Variants in CFAP299 observed in about 807,000 individuals in gnomAD.
CFAP299 encodes cilia- and flagella-associated protein 299.
In CFAP299, 21 loss-of-function variants were observed where a neutral mutation model predicts 27.0. The ratio of observed to expected loss-of-function variants is 0.78; its 90% CI spans 0.55 to 1.12. The LOEUF is 1.12. CFAP299 is among the 50% of genes most tolerant of loss of function. The pLI is 0.00. For missense variants in CFAP299, 310 were observed against 276.6 expected, an observed-to-expected ratio of 1.12 and a Z score of -0.86; for synonymous variants, 104 against 98.1, an observed-to-expected ratio of 1.06 and a Z score of -0.36.
chr4:80,472,813 G>C (rs944965656), intron 2 of CFAP299, among the ~76,000 whole-genome samples: 1 of 152,112 alleles, frequency 6.6e-6, no homozygotes, highest in African/African-American at 2.4e-5. Context: ...CACGGGACGG[G>C]GGTAATTCAG....
chr4:80,884,512 A>G (rs918113721), intron 4 of CFAP299, among the ~76,000 whole-genome samples: 2 of 152,164 alleles, frequency 1.3e-5, no homozygotes, highest in Admixed American at 1.3e-4. Context: ...CAGCAAAAGC[A>G]GTTCCAAAAG....
At chr4:80,734,574 T>C (rs527370137) in intron 3 of CFAP299, among the ~76,000 whole-genome samples, 10 of 152,296 alleles carry the variant, frequency 6.6e-5, no homozygotes, top group Non-Finnish European at 1.5e-4. Flanking sequence ...CCCCAGTGTT[T>C]TATGTAGTAG....
At chr4:80,783,961 T>A (rs77677314) in intron 3 of CFAP299, among the ~76,000 whole-genome samples, 1 of 152,114 alleles carries the variant, frequency 6.6e-6, no homozygotes, top group Non-Finnish European at 1.5e-5. Flanking sequence ...CAACTTTTTT[T>A]ATGATTCTAC....
chr4:80,419,068 C>T (rs1035984292), intron 2 of CFAP299, among the ~76,000 whole-genome samples: 2 of 152,158 alleles, frequency 1.3e-5, no homozygotes, highest in African/African-American at 4.8e-5. Context: ...TTCTTGCCTC[C>T]TCAGAAGAAA....
intron 2 of CFAP299, among the ~76,000 whole-genome samples, chr4:80,534,273 G>A (rs6850160): frequency 0.25 from 37,128 of 147,944 alleles, 6,616 homozygotes; most frequent in African/African-American, 0.5. Context: ...TTCCTTAAAA[G>A]CGTAAGTTAT....
At chr4:80,921,686 G>A (rs1190743314) in intron 4 of CFAP299, among the ~76,000 whole-genome samples, 1 of 151,976 alleles carries the variant, frequency 6.6e-6, no homozygotes, top group Non-Finnish European at 1.5e-5. Flanking sequence ...AGATAATCTG[G>A]TTAAATCTGT....
chr4:80,783,358 G>T (rs749223624), intron 3 of CFAP299, among the ~76,000 whole-genome samples: 40 of 152,030 alleles, frequency 2.6e-4, no homozygotes, highest in Non-Finnish European at 4.9e-4. Context: ...GGGACCATTG[G>T]GGGCCATTTT....
intron 4 of CFAP299, among the ~76,000 whole-genome samples, chr4:80,884,360 T>G (rs1221578433): frequency 6.6e-6 from 1 of 152,116 alleles, no homozygotes; most frequent in African/African-American, 2.4e-5. Context: ...TAGGAATAAC[T>G]TTGGAAAAAC....
At chr4:80,437,288 T>A (rs1728136796) in intron 2 of CFAP299, among the ~76,000 whole-genome samples, 1 of 152,200 alleles carries the variant, frequency 6.6e-6, no homozygotes, top group Non-Finnish European at 1.5e-5. Context: ...GCCATTTATC[T>A]CTCTAGAACT....
At chr4:80,854,941 C>G (rs1731757437) in intron 3 of CFAP299, among the ~76,000 whole-genome samples, 1 of 150,492 alleles carries the variant, frequency 6.6e-6, no homozygotes, top group African/African-American at 2.4e-5. Flanking sequence ...AATTCTGATG[C>G]TACACTGTGG....
chr4:80,559,687 T>C (rs1734948713), intron 2 of CFAP299, among the ~76,000 whole-genome samples: 1 of 152,130 alleles, frequency 6.6e-6, no homozygotes, highest in Admixed American at 6.5e-5. Flanking sequence ...AACACTGCAA[T>C]TGTGAGGCAT....
At chr4:80,543,706 A>G (rs895539485) in intron 2 of CFAP299, among the ~76,000 whole-genome samples, 1 of 152,264 alleles carries the variant, frequency 6.6e-6, no homozygotes, top group African/African-American at 2.4e-5. Context: ...AAAGAGAAGA[A>G]TCTTATCGTT....
chr4:80,888,083 C>A (rs1468031104), intron 4 of CFAP299, among the ~76,000 whole-genome samples: 1 of 151,896 alleles, frequency 6.6e-6, no homozygotes, highest in Non-Finnish European at 1.5e-5. Context: ...AAGAGAAGAC[C>A]ATTAAGCAAC....
At chr4:80,467,298 G>C (rs1000473968) in intron 2 of CFAP299, among the ~76,000 whole-genome samples, 1 of 152,204 alleles carries the variant, frequency 6.6e-6, no homozygotes, top group African/African-American at 2.4e-5. Context: ...TATTGATGGT[G>C]ATTGAAGCAG....
chr4:80,405,863 C>T (rs1452051282), intron 2 of CFAP299, among the ~76,000 whole-genome samples: 1 of 152,034 alleles, frequency 6.6e-6, no homozygotes, highest in Non-Finnish European at 1.5e-5. Context: ...TTCAGAGTCC[C>T]TTTTCAGCTC....
At chr4:80,387,208 C>T (rs1578384090) in intron 2 of CFAP299, 4 of 1,395,666 alleles carry the variant, frequency 2.9e-6, no homozygotes, top group Non-Finnish European at 2.0e-6. Context: ...GGTGCACGCT[C>T]AGGTCGTACA....
At chr4:80,671,750 T>G (rs1741499362) in intron 3 of CFAP299, among the ~76,000 whole-genome samples, 1 of 152,240 alleles carries the variant, frequency 6.6e-6, no homozygotes, top group South Asian at 2.1e-4. Flanking sequence ...TTATACTCTT[T>G]GAAGCCACTG....
chr4:80,407,991 T>C (rs1263639686), intron 2 of CFAP299, among the ~76,000 whole-genome samples: 1 of 152,232 alleles, frequency 6.6e-6, no homozygotes, highest in Non-Finnish European at 1.5e-5. Context: ...GTTTATTTGT[T>C]TGGCTATCTG....
intron 5 of CFAP299, among the ~76,000 whole-genome samples, chr4:80,960,700 A>G (rs1192464786): frequency 6.6e-6 from 1 of 151,870 alleles, no homozygotes; most frequent in African/African-American, 2.4e-5. Context: ...AGTCTTAACT[A>G]TTCATATTAA....
Sources: allele counts gnomAD v4.1 joint callset (sites outside exome capture counted in the v4.1 genomes callset), GRCh38; gene constraint gnomAD v4.1.1; transcripts MANE v1.5; gene names NCBI Gene and HGNC (gene_info 2026-07-23, HGNC 2026-07-21).